Variants in NDUFA13 observed in about 807,000 individuals in gnomAD.
NDUFA13 encodes the protein NADH:ubiquinone oxidoreductase subunit A13, also known as NADH dehydrogenase [ubiquinone] 1 alpha subcomplex subunit 13.
In NDUFA13, 16 loss-of-function variants were observed where a neutral mutation model predicts 17.0. That is an observed-to-expected ratio of 0.94 (90% CI 0.64 to 1.43). The LOEUF (loss-of-function observed/expected upper bound fraction) is 1.43, where lower values mean the gene tolerates loss of function less well. NDUFA13 is among the 40% of genes most tolerant of loss of function. The pLI, the probability that NDUFA13 is intolerant of heterozygous loss-of-function variation, is 0.00. For missense variants in NDUFA13, 228 were observed against 206.7 expected (o/e 1.10, Z -0.63); for synonymous variants, 87 against 78.4 (o/e 1.11, Z -0.58).
intron 2 of NDUFA13, 116 bp from the exon 3 acceptor site, chr19:19,527,165 T>TGC: frequency 2.1e-6 from 1 of 470,786 alleles, no homozygotes. Context: ...CCTGCCTGCC[T>TGC]CCCCGCCCCC....
intron 2 of NDUFA13, 85 bp downstream of exon 2, chr19:19,526,345 G>T (rs537627404): frequency 3.3e-5 from 49 of 1,482,622 alleles, no homozygotes; most frequent in Non-Finnish European, 4.2e-5. Flanking sequence ...GTCTGTGCTG[G>T]CGAGGGGTGA....
In NDUFA13 at chr19:19,519,045, A is replaced by ATTTTT. The variant is rs71170693; in HGVS notation, c.94+2726_94+2730dup. 5.3e-3 allele frequency among the ~76,000 whole-genome samples: 614 copies of ATTTTT among 114,846 alleles called. 6 individuals are homozygous for ATTTTT. Among genetic ancestry groups the ATTTTT allele is most frequent in the Non-Finnish European group, 7.7e-3 (449 of 58,488 alleles). 75.3% of individuals were successfully genotyped at this position (114,846 alleles called of 152,430 possible). On this transcript the variant is annotated intron_variant, in intron 1 of 4. Coordinates refer to ENST00000507754, the MANE Select transcript of NDUFA13 (RefSeq NM_015965.7). The stretch of plus-strand genomic sequence containing the variant: ...AGGTGTGAGCCACTGGGCCCGGCCT[A>ATTTTT]TTTTTTTTTTTTTTTTTGTATTTTT...
chr19:19,519,971 C>CTTTTTTTTTT (rs397963977), intron 1 of NDUFA13, among the ~76,000 whole-genome samples: 1 of 120,270 alleles, frequency 8.3e-6, no homozygotes, highest in East Asian at 2.4e-4. Flanking sequence ...TTTTTGTTCT[C>CTTTTTTTTTT]TTTTTTTTTT....
At chr19:19,518,863 C>T (rs2061063154) in intron 1 of NDUFA13, among the ~76,000 whole-genome samples, 1 of 150,338 alleles carries the variant, frequency 6.7e-6, no homozygotes, top group South Asian at 2.1e-4. Flanking sequence ...CTGTCTCAGC[C>T]TCCCGAATAG....
At position 19,528,051 on chromosome 19, in the gene NDUFA13, G is replaced by A. The variant is rs1287140224; in HGVS notation, c.360G>A (p.Leu120=). 6.2e-7 allele frequency: 1 copy of A among 1,612,480 alleles called. No homozygotes were observed. The highest frequency in any genetic ancestry group is 8.5e-7 in the Non-Finnish European group (1 of 1,179,944). The change falls in exon 5 of 5, where the codon TTG becomes TTA. Residue 120 remains leucine, a synonymous_variant. Coordinates refer to ENST00000507754, the MANE Select transcript of NDUFA13 (RefSeq NM_015965.7). ...ACACAACCCGCTGGGTGCCCCCCTT[G>A]ATCGGGGAGCTGTACGGGCTGCGCA... The part of the protein sequence containing the change: ...VFHTTRWVPP[L]IGELYGLRTT...
At chr19:19,527,231 C>G in intron 2 of NDUFA13, 50 bp from the exon 3 acceptor site, 2 of 1,602,080 alleles carry the variant, frequency 1.2e-6, no homozygotes, top group Admixed American at 1.7e-5. Context: ...TGCCTGTGCT[C>G]CCCCGACCTA....
chr19:19,527,887 G>A (rs774912667), intron 4 of NDUFA13, 117 bp downstream of exon 4: 1 of 1,480,682 alleles, frequency 6.8e-7, no homozygotes, highest in South Asian at 1.2e-5. Flanking sequence ...TGGGTGCCAG[G>A]TCCCACAAGG....
At chr19:19,524,688 C>T (rs10419240) in intron 1 of NDUFA13, among the ~76,000 whole-genome samples, 11,951 of 152,052 alleles carry the variant, frequency 0.079, 1,528 homozygotes, top group African/African-American at 0.27. Context: ...CGCCTGTAGT[C>T]CCAACTACTC....
intron 1 of NDUFA13, among the ~76,000 whole-genome samples, chr19:19,517,382 C>G (rs2061054720): frequency 6.6e-6 from 1 of 151,656 alleles, no homozygotes; most frequent in East Asian, 2.0e-4. Flanking sequence ...GCCCAGCTTT[C>G]TGTATTTTCT....
At position 19,516,338 on chromosome 19, in the gene NDUFA13, T is replaced by C; in HGVS notation, c.94+6T>C. ...GCCGCGTCGAGGACTGTCGGGTCAG[T>C]ATCACTCTGCGCCGGGGTCTCAGAG... On this transcript the variant is annotated splice_donor_region_variant and intron_variant, in intron 1 of 4. Coordinates refer to ENST00000507754, the MANE Select transcript of NDUFA13 (RefSeq NM_015965.7). 6.2e-7 allele frequency: 1 copy of C among 1,613,098 alleles called. No homozygotes were observed. The highest frequency in any genetic ancestry group is 8.5e-7 in the Non-Finnish European group (1 of 1,179,952).
intron 1 of NDUFA13, among the ~76,000 whole-genome samples, chr19:19,523,726 C>T (rs2061088599): frequency 6.6e-6 from 1 of 151,746 alleles, no homozygotes; most frequent in East Asian, 1.9e-4. Flanking sequence ...TTGGGAGTTC[C>T]AGACCAGCCT....
intron 1 of NDUFA13, 192 bp from the exon 2 acceptor site, chr19:19,525,990 C>T (rs1020564665): frequency 2.6e-5 from 38 of 1,449,778 alleles, no homozygotes; most frequent in Non-Finnish European, 3.4e-5. Context: ...GACCCTCAGG[C>T]CTCCTGAGGT....
At chr19:19,527,876 G>A in intron 4 of NDUFA13, 106 bp downstream of exon 4, 1 of 1,470,998 alleles carries the variant, frequency 6.8e-7, no homozygotes, top group Non-Finnish European at 9.3e-7. Flanking sequence ...CAAGGGGGTG[G>A]TGGGTGCCAG....
Position 19,528,081 on chromosome 19 carries a change from A to C in NDUFA13, c.390A>C (p.Thr130=), listed in dbSNP as rs1383113835. The C allele has an allele frequency of 6.2e-7, 1 of 1,611,762 alleles. No individual in the cohort carries two copies. The highest frequency in any genetic ancestry group is 2.2e-5 in the East Asian group (1 of 44,856). Residue 130 remains threonine, a synonymous_variant, in exon 5 of 5, where the codon ACA becomes ACC. Transcript: ENST00000507754. ...LIGELYGLRT[T]EEALHASHGF... is the part of the protein sequence containing the mutation. ...GGGAGCTGTACGGGCTGCGCACCAC[A>C]GAGGAGGCTCTCCATGCCAGCCACG...
intron 1 of NDUFA13, among the ~76,000 whole-genome samples, chr19:19,523,216 AC>A (rs1292113176): frequency 5.3e-5 from 8 of 152,358 alleles, no homozygotes; most frequent in African/African-American, 1.9e-4. Flanking sequence ...ATCAGTTTGC[AC>A]AGCGTTGCCA....
chr19:19,527,399 C>T (rs771806815), intron 3 of NDUFA13, 47 bp downstream of exon 3: 37 of 1,604,398 alleles, frequency 2.3e-5, no homozygotes, highest in Non-Finnish European at 3.2e-5. Flanking sequence ...CCGGAAGGCC[C>T]CAGGCTGCAG....
intron 1 of NDUFA13, among the ~76,000 whole-genome samples, chr19:19,522,938 A>G (rs1479138599): frequency 6.6e-6 from 1 of 152,176 alleles, no homozygotes; most frequent in East Asian, 1.9e-4. Flanking sequence ...ATTGACCATA[A>G]ATGTGAGGGT....
At chr19:19,522,477 C>CTTTTTTTTTTTTTTTTTTTTTT (rs3067694) in intron 1 of NDUFA13, among the ~76,000 whole-genome samples, 1 of 95,036 alleles carries the variant, frequency 1.1e-5, no homozygotes, top group Non-Finnish European at 1.9e-5. Context: ...GTCTTTGATC[C>CTTTTTTTTTTTTTTTTTTTTTT]TTTTTTTTTT....
intron 1 of NDUFA13, among the ~76,000 whole-genome samples, chr19:19,522,702 TCTC>T (rs1419332938): frequency 6.6e-6 from 1 of 152,050 alleles, no homozygotes; most frequent in Non-Finnish European, 1.5e-5. Context: ...ATGGTCTCGA[TCTC>T]CTGACCTCGT....
Sources: allele counts gnomAD v4.1 joint callset (sites outside exome capture counted in the v4.1 genomes callset), GRCh38; gene constraint gnomAD v4.1.1; transcripts MANE v1.5; gene names NCBI Gene and HGNC (gene_info 2026-07-23, HGNC 2026-07-21).